Variants in STK11 observed in about 807,000 individuals in gnomAD.
The protein encoded by STK11 is serine/threonine kinase 11, also known as serine/threonine-protein kinase STK11.
A neutral mutation model predicts 47.3 loss-of-function variants in STK11; 8 were observed. The ratio of observed to expected loss-of-function variants is 0.17; its 90% CI spans 0.10 to 0.31. The LOEUF (loss-of-function observed/expected upper bound fraction) is 0.31. STK11 is among the 10% of genes least tolerant of loss of function. The probability of loss-of-function intolerance (pLI) is 1.00; values close to 1 mark genes in which losing one functional copy is unlikely to be tolerated. For missense variants in STK11, 475 were observed against 605.0 expected, an observed-to-expected ratio of 0.79 and a Z score of 2.25; for synonymous variants, 330 against 255.8, an observed-to-expected ratio of 1.29 and a Z score of -2.77.
At position 1,220,985 on chromosome 19, in the gene STK11, G is replaced by A. The variant is rs181816826; in HGVS notation, c.735-228G>A. 2.0e-3 allele frequency among the ~76,000 whole-genome samples: 306 copies of A among 152,292 alleles called. 1 individual carries two copies. Among genetic ancestry groups the A allele is most frequent in the African/African-American group, 6.8e-3 (284 of 41,562 alleles). On this transcript the variant is annotated intron_variant, in intron 5 of 9. Coordinates refer to ENST00000326873, the MANE Select transcript of STK11 (RefSeq NM_000455.5). ...CCAGAGCCCCACAGGGAAGCTGGGC[G>A]GGTGACAGCAGCTCCAGGCCCCTTC...
chr19:1,206,808 C>G lies in STK11; in HGVS notation c.-106C>G, dbSNP rs886054213. 5.9e-5 allele frequency: 74 copies of G among 1,263,624 alleles called. No individual in the cohort carries two copies. The highest frequency in any genetic ancestry group is 7.0e-5 in the Non-Finnish European group (67 of 961,228). 78.3% of individuals were successfully genotyped at this position (1,263,624 alleles called of 1,614,324 possible). ...GGGGTTTTTGTTGCCTTTTTTTTTTCTTTTTTCTTTGTAAAATTTTGGAGA... is the reference window on the plus strand; with the variant it reads ...GGGGTTTTTGTTGCCTTTTTTTTTTGTTTTTTCTTTGTAAAATTTTGGAGA... On this transcript the variant is annotated 5_prime_UTR_variant, in exon 1 of 10. Coordinates refer to ENST00000326873, the MANE Select transcript of STK11 (RefSeq NM_000455.5).
rs2080665280 is a variant in STK11 at position 1,206,403 on chromosome 19, C to T, written c.-511C>T. ...GGGACCGGGGCGTCGCCGGAGACGC[C>T]CCCAGCGAAGTTGGGCTCTCCAGGT... On this transcript the variant is annotated 5_prime_UTR_variant, in exon 1 of 10. Transcript: ENST00000326873. The T allele has an allele frequency of 4.3e-6, 1 of 233,680 alleles. No individual in the cohort carries two copies. Among genetic ancestry groups the T allele is most frequent in the Non-Finnish European group, 8.4e-6 (1 of 118,418 alleles). The allele number at this position is 233,680 out of a possible 1,614,324, so 14.5% of individuals were successfully genotyped here.
At chr19:1,216,056 T>C (rs138078175) in intron 1 of STK11, among the ~76,000 whole-genome samples, 32 of 150,844 alleles carry the variant, frequency 2.1e-4, no homozygotes, top group African/African-American at 6.8e-4. Flanking sequence ...TTATGCTCCA[T>C]GCTTGGGCTT....
At chr19:1,221,419 T>G (rs2145427590) in intron 6 of STK11, 79 bp downstream of exon 6, 1 of 1,476,450 alleles carries the variant, frequency 6.8e-7, no homozygotes. Flanking sequence ...GGGTGTCAGG[T>G]GGGGGGCTAT....
At chr19:1,212,104 C>T (rs2080715234) in intron 1 of STK11, among the ~76,000 whole-genome samples, 1 of 152,052 alleles carries the variant, frequency 6.6e-6, no homozygotes, top group Non-Finnish European at 1.5e-5. Flanking sequence ...GCTGTGCACA[C>T]AGTGGGCTTC....
intron 7 of STK11, 127 bp from the exon 8 acceptor site, chr19:1,222,858 C>T: frequency 8.9e-7 from 1 of 1,119,820 alleles, no homozygotes; most frequent in Non-Finnish European, 1.2e-6. Flanking sequence ...TCACAGCCAC[C>T]CCTTGCACGG....
Position 1,208,455 on chromosome 19 carries a change from C to T in STK11, c.290+1252C>T, listed in dbSNP as rs1475688760. ...CCCGAGTAGCTGGGACTACAGGCAC[C>T]CGCCACCACGCCCGGCCAATTTTTT... On this transcript the variant is annotated intron_variant, in intron 1 of 9. Transcript: ENST00000326873. Among the ~76,000 whole-genome samples, 4 of 151,320 alleles carry T rather than the reference C, an allele frequency of 2.6e-5. No homozygotes were observed. The East Asian group carries it at 7.8e-4, about 29-fold the overall frequency.
chr19:1,225,718 C>T (rs1289385856), intron 8 of STK11: 2 of 985,512 alleles, frequency 2.0e-6, no homozygotes, highest in Non-Finnish European at 2.4e-6. Context: ...GGGGCGGCCT[C>T]CCACTGACTT....
chr19:1,218,544 G>C, intron 2 of STK11, 44 bp downstream of exon 2: 1 of 1,566,028 alleles, frequency 6.4e-7, no homozygotes, highest in Non-Finnish European at 8.8e-7. Context: ...CGTGGGAGGG[G>C]CTGGGGCCCT....
chr19:1,209,085 G>A (rs571650164), intron 1 of STK11, among the ~76,000 whole-genome samples: 5 of 152,252 alleles, frequency 3.3e-5, no homozygotes, highest in South Asian at 4.2e-4. Context: ...GTCTGGACCC[G>A]GGTAGAAGGT....
rs1325816901 is a variant in STK11, at chr19:1,205,825, G to A, written c.-1089G>A. 4.8e-6 allele frequency: 1 copy of A among 207,764 alleles called. No individual in the cohort carries two copies. Among genetic ancestry groups the A allele is most frequent in the Non-Finnish European group, 9.8e-6 (1 of 101,678 alleles). The allele number at this position is 207,764 out of a possible 1,614,324, so 12.9% of individuals were successfully genotyped here. A position where few individuals can be genotyped will look rare whatever the true frequency, so the allele number is the denominator to read the frequency against. On this transcript the variant is annotated 5_prime_UTR_variant, in exon 1 of 10. Transcript: ENST00000326873. ...CGTGTCGGGCGCGGAAGGGGGAGGCGGCCCGGGGCGCCCGCGAGTGAGGCG... is the reference window on the plus strand; with the variant it reads ...CGTGTCGGGCGCGGAAGGGGGAGGCAGCCCGGGGCGCCCGCGAGTGAGGCG...
chr19:1,227,753 G>C lies in STK11; in HGVS notation c.*177G>C. 1 of 1,073,422 alleles carries C rather than the reference G, an allele frequency of 9.3e-7. No homozygotes were observed. The highest frequency in any genetic ancestry group is 1.1e-6 in the Non-Finnish European group (1 of 884,276). The allele number at this position is 1,073,422 out of a possible 1,614,324, so 66.5% of individuals were successfully genotyped here. On this transcript the variant is annotated 3_prime_UTR_variant, in exon 10 of 10. Coordinates refer to ENST00000326873, the MANE Select transcript of STK11 (RefSeq NM_000455.5). ...GCCGGGCAGGGGGACAGCAGGGACC[G>C]GGCGCAGCCCTCCCCCCTCGGCCGC...
At chr19:1,220,083 T>C (rs2080771920) in intron 3 of STK11, 2 of 405,246 alleles carry the variant, frequency 4.9e-6, no homozygotes, top group African/African-American at 2.0e-5. Context: ...GGGAGGGGCC[T>C]GCTGTTCCAG....
chr19:1,227,542 C>T, intron 9 of STK11, 51 bp from the exon 10 acceptor site: 1 of 1,062,372 alleles, frequency 9.4e-7, no homozygotes, highest in South Asian at 4.5e-5. Context: ...CCGCGGGAGG[C>T]GGAGAACCGG....
chr19:1,224,332 G>A (rs983440281), intron 8 of STK11: 12 of 985,270 alleles, frequency 1.2e-5, no homozygotes, highest in East Asian at 1.1e-4. Context: ...CGACCATCGC[G>A]TCTGGTCTGT....
intron 8 of STK11, chr19:1,225,551 G>T (rs1256459788): frequency 1.0e-6 from 1 of 985,434 alleles, no homozygotes; most frequent in Non-Finnish European, 1.2e-6. Flanking sequence ...TTACAAGCGT[G>T]AGCCACCGCG....
At position 1,226,618 on chromosome 19, in the gene STK11, C is replaced by A. The variant is rs754853898; in HGVS notation, c.1273C>A (p.Arg425Ser). 1 of 1,548,540 alleles carries A rather than the reference C, an allele frequency of 6.5e-7. No homozygotes were observed. Among genetic ancestry groups the A allele is most frequent in the Non-Finnish European group, 8.7e-7 (1 of 1,147,748 alleles). The change falls in exon 9 of 10, where the codon CGC becomes AGC. Residue 425 changes from arginine (R) to serine (S), a missense_variant. Arg to Ser is a moderately radical substitution (Grantham distance 110). Coordinates refer to ENST00000326873, the MANE Select transcript of STK11 (RefSeq NM_000455.5). Reference protein sequence around the residue: ...RKACSASSKIRRLSACKQQ With the variant: ...RKACSASSKISRLSACKQQ ...GGCCTGCTCCGCCAGCAGCAAGATCCGCCGGCTGTCGGCCTGCAAGCAGCA... is the reference window on the plus strand; with the variant it reads ...GGCCTGCTCCGCCAGCAGCAAGATCAGCCGGCTGTCGGCCTGCAAGCAGCA...
chr19:1,219,692 C>G (rs933455533), intron 3 of STK11, among the ~76,000 whole-genome samples: 2 of 152,020 alleles, frequency 1.3e-5, no homozygotes, highest in African/African-American at 4.8e-5. Flanking sequence ...ATTACAGGCG[C>G]CCGCCACCAC....
intron 8 of STK11, chr19:1,224,241 GC>G: frequency 3.0e-6 from 3 of 985,352 alleles, no homozygotes; most frequent in Non-Finnish European, 3.6e-6. Context: ...GCATGTGGGG[GC>G]CCCCCAGGAG....
Sources: gnomAD v4.1 joint callset for allele counts (sites outside exome capture counted in the v4.1 genomes callset) on GRCh38, gnomAD v4.1.1 for gene constraint, MANE v1.5 for transcripts, NCBI Gene and HGNC (gene_info 2026-07-23, HGNC 2026-07-21) for gene names.